Variants in EPHB2 observed in about 807,000 individuals in gnomAD.
EPHB2 encodes the protein ephrin type-B receptor 2.
A neutral mutation model predicts 96.4 loss-of-function variants in EPHB2; 18 were observed. The ratio of observed to expected loss-of-function variants is 0.19; its 90% CI spans 0.13 to 0.28. The LOEUF is 0.28. Ranked by LOEUF, EPHB2 falls within the 10% of genes least tolerant of loss-of-function variation. The pLI is 1.00. For missense variants in EPHB2, 989 were observed against 1,355.4 expected (o/e 0.73, Z 4.25); for synonymous variants, 506 against 534.1 (o/e 0.95, Z 0.72).
intron 3 of EPHB2, among the ~76,000 whole-genome samples, chr1:22,816,197 G>A (rs1325853064): frequency 1.3e-5 from 2 of 152,100 alleles, no homozygotes; most frequent in Non-Finnish European, 2.9e-5. Context: ...TGGACTTGGT[G>A]TCTCTATCCA....
At position 22,826,105 on chromosome 1, in the gene EPHB2, A is replaced by G. The variant is rs189819303; in HGVS notation, c.812-36932A>G. ...CCAGATTCTGAGCAGGAGAGTAGCTAGATCAGCTGATTGGCCACTGGCAGT... is the reference window on the plus strand; with the variant it reads ...CCAGATTCTGAGCAGGAGAGTAGCTGGATCAGCTGATTGGCCACTGGCAGT... On this transcript the variant is annotated intron_variant, in intron 3 of 15. Transcript: ENST00000374630. Among the ~76,000 whole-genome samples, 109 of 152,288 alleles carry G rather than the reference A, an allele frequency of 7.2e-4. No homozygotes were observed. The South Asian group carries it at 7.9e-3, about 11-fold the overall frequency.
At chr1:22,828,678 A>G (rs1323581969) in intron 3 of EPHB2, among the ~76,000 whole-genome samples, 2 of 152,204 alleles carry the variant, frequency 1.3e-5, no homozygotes, top group Admixed American at 1.3e-4. Context: ...TGTTAAAATC[A>G]CAGTCAAGCA....
chr1:22,910,090 G>A (rs1366620000), intron 13 of EPHB2, among the ~76,000 whole-genome samples: 7 of 152,174 alleles, frequency 4.6e-5, no homozygotes, highest in Admixed American at 3.3e-4. Flanking sequence ...GGTGGAACCA[G>A]GCACAGGAGG....
intron 3 of EPHB2, among the ~76,000 whole-genome samples, chr1:22,794,299 G>A (rs963326670): frequency 9.2e-5 from 14 of 152,076 alleles, no homozygotes; most frequent in African/African-American, 2.7e-4. Context: ...CTTGAATGAC[G>A]AGGTGCTTTC....
At chr1:22,879,983 C>T (rs1557731304) in intron 5 of EPHB2, among the ~76,000 whole-genome samples, 1 of 152,128 alleles carries the variant, frequency 6.6e-6, no homozygotes, top group African/African-American at 2.4e-5. Flanking sequence ...GGACAATTTT[C>T]CATAGCTCCT....
chr1:22,826,473 T>G (rs1218293514), intron 3 of EPHB2, among the ~76,000 whole-genome samples: 1 of 152,236 alleles, frequency 6.6e-6, no homozygotes, highest in Admixed American at 6.5e-5. Flanking sequence ...AACAGACAAT[T>G]TGGTTTTGAC....
chr1:22,723,547 C>G (rs753081910), intron 1 of EPHB2, among the ~76,000 whole-genome samples: 1 of 152,254 alleles, frequency 6.6e-6, no homozygotes, highest in Admixed American at 6.5e-5. Context: ...CTCTGACCAG[C>G]CCCTTCTGGA....
intron 3 of EPHB2, among the ~76,000 whole-genome samples, chr1:22,832,609 T>C (rs1645322976): frequency 6.6e-6 from 1 of 152,160 alleles, no homozygotes; most frequent in South Asian, 2.1e-4. Flanking sequence ...GGGTGGTTGC[T>C]ATTCCTCTGC....
rs527938050 is a variant in EPHB2, at chr1:22,715,390, T to C, written c.61+4347T>C. Among the ~76,000 whole-genome samples the C allele has an allele frequency of 1.4e-3, 211 of 151,634 alleles. 1 individual carries two copies. Among genetic ancestry groups the C allele is most frequent in the Admixed American group, 2.1e-3 (32 of 15,250 alleles). On this transcript the variant is annotated intron_variant, in intron 1 of 15. Coordinates refer to ENST00000374630, the MANE Select transcript of EPHB2 (RefSeq NM_017449.5). ...AGACAAGTCCACTTCTGATGGGGGG[T>C]GGGGGAAGCCTGCCTCCCTCCCTCC...
chr1:22,730,091 G>A (rs1212892498), intron 1 of EPHB2, among the ~76,000 whole-genome samples: 3 of 152,218 alleles, frequency 2.0e-5, no homozygotes, highest in Non-Finnish European at 4.4e-5. Flanking sequence ...TGTGGGATCC[G>A]AGGTGAATTA....
chr1:22,813,761 C>A (rs527257336), intron 3 of EPHB2, among the ~76,000 whole-genome samples: 1 of 152,228 alleles, frequency 6.6e-6, no homozygotes, highest in Non-Finnish European at 1.5e-5. Context: ...AGTTAGGGAG[C>A]CTTCACAGCC....
Position 22,803,699 on chromosome 1 carries a change from A to G in EPHB2, c.811+18623A>G, listed in dbSNP as rs188376897. Reference sequence around the variant, plus strand: ...TGTATATATGTATATATATGTGTGTATATATATGTATATGTGTATATATAT... The same window carrying G: ...TGTATATATGTATATATATGTGTGTGTATATATGTATATGTGTATATATAT... On this transcript the variant is annotated intron_variant, in intron 3 of 15. Transcript: ENST00000374630. Among the ~76,000 whole-genome samples the G allele has an allele frequency of 4.8e-3, 710 of 147,822 alleles. 9 individuals are homozygous for G. The highest frequency in any genetic ancestry group is 0.016 in the African/African-American group (651 of 40,032).
intron 9 of EPHB2, among the ~76,000 whole-genome samples, chr1:22,904,657 GTC>G (rs935947117): frequency 2.6e-5 from 4 of 152,152 alleles, no homozygotes; most frequent in Non-Finnish European, 5.9e-5. Flanking sequence ...GGCCTTATGG[GTC>G]TCTCTTGTAA....
At chr1:22,810,734 C>G (rs915681754) in intron 3 of EPHB2, among the ~76,000 whole-genome samples, 2 of 152,192 alleles carry the variant, frequency 1.3e-5, no homozygotes, top group African/African-American at 4.8e-5. Flanking sequence ...GTCTCTCTGC[C>G]TTCCCATCCC....
At chr1:22,885,524 C>T (rs1163274723) in intron 6 of EPHB2, among the ~76,000 whole-genome samples, 2 of 152,236 alleles carry the variant, frequency 1.3e-5, no homozygotes, top group South Asian at 2.1e-4. Context: ...GTGCTAAGCA[C>T]GTCACCTCTA....
chr1:22,884,487 G>T (rs959233472), intron 6 of EPHB2, among the ~76,000 whole-genome samples: 1 of 152,074 alleles, frequency 6.6e-6, no homozygotes, highest in African/African-American at 2.4e-5. Flanking sequence ...CGGCGTGGTG[G>T]TGCACACCTG....
At chr1:22,909,908 C>A (rs1640038595) in intron 13 of EPHB2, among the ~76,000 whole-genome samples, 1 of 152,148 alleles carries the variant, frequency 6.6e-6, no homozygotes, top group South Asian at 2.1e-4. Flanking sequence ...GAGGGAGCCC[C>A]AGCCAGGCTT....
intron 3 of EPHB2, among the ~76,000 whole-genome samples, chr1:22,814,892 C>T (rs1402501896): frequency 3.3e-5 from 5 of 152,188 alleles, no homozygotes; most frequent in South Asian, 4.1e-4. Flanking sequence ...GGTACATTTG[C>T]GCCTTTATGA....
In EPHB2 at chr1:22,733,867, G is replaced by C. The variant is rs1024816632; in HGVS notation, c.61+22824G>C. 3.3e-5 allele frequency among the ~76,000 whole-genome samples: 5 copies of C among 152,072 alleles called. No individual in the cohort carries two copies. Among genetic ancestry groups the C allele is most frequent in the Non-Finnish European group, 5.9e-5 (4 of 68,000 alleles). On this transcript the variant is annotated intron_variant, in intron 1 of 15. Transcript: ENST00000374630. The surrounding 1 kb of genome is among the most constrained non-coding windows in gnomAD (Gnocchi z 4.6). ...AGAGCTAGAAGTTGAACCCGGGACT[G>C]GATTCTTGACCTGGTATGATTTGGT...
Sources: gnomAD v4.1 joint callset for allele counts (sites outside exome capture counted in the v4.1 genomes callset) on GRCh38, gnomAD v4.1.1 for gene constraint, Gnocchi (gnomAD v3.1) non-coding constraint, MANE v1.5 for transcripts, NCBI Gene and HGNC (gene_info 2026-07-23, HGNC 2026-07-21) for gene names.